ERC2: variants seen among roughly 807,000 people sequenced by gnomAD.
ERC2 encodes the protein ERC protein 2.
ERC2 carries 42 observed loss-of-function variants against 114.8 expected under a neutral mutation model. The observed-to-expected ratio is 0.37, with a 90% confidence interval of 0.29 to 0.47. ERC2 has a LOEUF of 0.47. Ranked by LOEUF, ERC2 falls within the 20% of genes least tolerant of loss-of-function variation. The pLI is 0.99. For synonymous variants in ERC2, 454 were observed against 425.5 expected (o/e 1.07, Z -0.82); for missense variants, 939 against 1,150.7 (o/e 0.82, Z 2.66).
At chr3:56,411,836 G>T (rs1385006871) in intron 2 of ERC2, among the ~76,000 whole-genome samples, 1 of 152,086 alleles carries the variant, frequency 6.6e-6, no homozygotes, top group Admixed American at 6.5e-5. Context: ...AAACTGCCCA[G>T]GGGGCTTCAG....
chr3:55,634,385 G>A (rs563513551), intron 17 of ERC2, among the ~76,000 whole-genome samples: 13 of 152,100 alleles, frequency 8.5e-5, no homozygotes, highest in Admixed American at 2.6e-4. Flanking sequence ...CTATTTCTAC[G>A]ATCTTGGCCA....
intron 14 of ERC2, among the ~76,000 whole-genome samples, chr3:55,869,984 AC>A (rs1184069597): frequency 6.6e-6 from 1 of 152,140 alleles, no homozygotes; most frequent in African/African-American, 2.4e-5. Context: ...GTTGTGAAAA[AC>A]CGAATACATC....
intron 9 of ERC2, among the ~76,000 whole-genome samples, chr3:56,009,067 T>C (rs1342497077): frequency 6.6e-6 from 1 of 152,200 alleles, no homozygotes; most frequent in African/African-American, 2.4e-5. Flanking sequence ...AAAATGTCTA[T>C]CTGAAAGTCA....
At chr3:55,823,864 C>G (rs1170528939) in intron 14 of ERC2, among the ~76,000 whole-genome samples, 1 of 152,130 alleles carries the variant, frequency 6.6e-6, no homozygotes, top group Admixed American at 6.5e-5. Context: ...GCTGCCATAA[C>G]AAGATACCAC....
chr3:55,819,496 A>C (rs1431649223), intron 14 of ERC2, among the ~76,000 whole-genome samples: 1 of 152,196 alleles, frequency 6.6e-6, no homozygotes, highest in Non-Finnish European at 1.5e-5. Flanking sequence ...AACTTTCCTG[A>C]CCTTTGACTG....
In ERC2 at chr3:56,295,951, A is replaced by G. The variant is rs149091960; in HGVS notation, c.1074+68T>C. On this transcript the variant is annotated intron_variant, in intron 3 of 17. Transcript: ENST00000288221. ...GGATGTAGATATCTTCCAACCTGTG[A>G]AAATAACTTGATAACATATTTTCAC... 4,567 of 1,468,280 alleles carry G rather than the reference A, an allele frequency of 3.1e-3. 26 individuals are homozygous for G. Among genetic ancestry groups the G allele is most frequent in the South Asian group, 0.017 (1,202 of 69,914 alleles). The allele number at this position is 1,468,280 out of a possible 1,614,324, so 91.0% of individuals were successfully genotyped here.
chr3:55,575,391 C>A lies in ERC2; in HGVS notation c.*40-64115G>T, dbSNP rs76525592. On this transcript the variant is annotated intron_variant, in intron 17 of 17. Transcript: ENST00000288221. ...CAGGGTTCTTCTGACCAACAGAATACAGTGGATAAATGGGGTCCTGTTACC... is the reference window on the plus strand; with the variant it reads ...CAGGGTTCTTCTGACCAACAGAATAAAGTGGATAAATGGGGTCCTGTTACC... Among the ~76,000 whole-genome samples the A allele has an allele frequency of 8.5e-5, 13 of 152,294 alleles. No homozygotes were observed. The East Asian group carries it at 2.3e-3, about 27-fold the overall frequency.
Position 55,997,892 on chromosome 3 carries a change from T to G in ERC2, c.2062-5642A>C, listed in dbSNP as rs1399855806. Among the ~76,000 whole-genome samples, 7 of 53,404 alleles carry G rather than the reference T, an allele frequency of 1.3e-4. No homozygotes were observed. The East Asian group carries it at 3.1e-3, about 24-fold the overall frequency. 35.0% of individuals were successfully genotyped at this position (53,404 alleles called of 152,430 possible). On this transcript the variant is annotated intron_variant, in intron 10 of 17. Transcript: ENST00000288221. The stretch of plus-strand genomic sequence containing the variant: ...ACATCTTAATTCTGTTTTTTTTTTT[T>G]TTTTTTTTTTTTTTTGTGTGTGTGT...
At chr3:56,194,342 A>G (rs1455165022) in intron 3 of ERC2, among the ~76,000 whole-genome samples, 2 of 152,210 alleles carry the variant, frequency 1.3e-5, no homozygotes, top group African/African-American at 4.8e-5. Flanking sequence ...TCTCAAGATG[A>G]GATAATCCTA....
intron 2 of ERC2, among the ~76,000 whole-genome samples, chr3:56,363,951 A>C (rs1430180325): frequency 6.6e-6 from 1 of 152,072 alleles, no homozygotes; most frequent in South Asian, 2.1e-4. Flanking sequence ...GGAGAATAAA[A>C]AACTTTAATA....
rs142386897 is a variant in ERC2, at chr3:56,049,629, C to T, written c.1642-30598G>A. Among the ~76,000 whole-genome samples, 427 of 152,208 alleles carry T rather than the reference C, an allele frequency of 2.8e-3. 2 individuals are homozygous for T. The highest frequency in any genetic ancestry group is 9.7e-3 in the African/African-American group (401 of 41,536). On this transcript the variant is annotated intron_variant, in intron 7 of 17. Transcript: ENST00000288221. Reference sequence around the variant, plus strand: ...AAGCAGGCAGAAAAACATGAAAAGGCTAGATTTGCTTAGCCTTTCAGCCTA... The same window carrying T: ...AAGCAGGCAGAAAAACATGAAAAGGTTAGATTTGCTTAGCCTTTCAGCCTA...
At position 55,706,985 on chromosome 3, in the gene ERC2, A is replaced by G. The variant is rs996759984; in HGVS notation, c.2713-7473T>C. Among the ~76,000 whole-genome samples the G allele has an allele frequency of 7.6e-4, 115 of 152,198 alleles. 1 individual carries two copies. Among genetic ancestry groups the G allele is most frequent in the Non-Finnish European group, 2.8e-4 (19 of 68,046 alleles). ...TCCTTGAGTCTCATTTCCTATATCT[A>G]AAAAATGGGCAAGAGAGGGAAGAAT... On this transcript the variant is annotated intron_variant, in intron 15 of 17. Coordinates refer to ENST00000288221, the MANE Select transcript of ERC2 (RefSeq NM_015576.3).
intron 14 of ERC2, among the ~76,000 whole-genome samples, chr3:55,808,203 C>T (rs761128601): frequency 2.0e-5 from 3 of 152,096 alleles, no homozygotes; most frequent in Non-Finnish European, 4.4e-5. Flanking sequence ...GGGTGCTTGC[C>T]GGCAGGTCAT....
chr3:55,944,845 C>T (rs184276625), intron 13 of ERC2, among the ~76,000 whole-genome samples: 2 of 152,290 alleles, frequency 1.3e-5, no homozygotes, highest in African/African-American at 4.8e-5. Context: ...AAAGAAAGCA[C>T]TTCTGTGCTG....
intron 4 of ERC2, among the ~76,000 whole-genome samples, chr3:56,155,603 G>A (rs56141852): frequency 0.065 from 9,961 of 152,082 alleles, 436 homozygotes; most frequent in African/African-American, 0.12. Flanking sequence ...AATATGTAAT[G>A]TTCTATAAGT....
At chr3:55,946,315 AT>A (rs1483957374) in intron 13 of ERC2, among the ~76,000 whole-genome samples, 1 of 152,236 alleles carries the variant, frequency 6.6e-6, no homozygotes, top group East Asian at 1.9e-4. Flanking sequence ...TTCACACACA[AT>A]TCAACATTAA....
chr3:55,762,035 C>T (rs1240089669), intron 14 of ERC2, among the ~76,000 whole-genome samples: 1 of 146,972 alleles, frequency 6.8e-6, no homozygotes, highest in Non-Finnish European at 1.5e-5. Context: ...CACCTTCTGC[C>T]ATAATTTTAA....
intron 2 of ERC2, among the ~76,000 whole-genome samples, chr3:56,422,154 G>A (rs572894367): frequency 2.5e-4 from 38 of 152,254 alleles, no homozygotes; most frequent in African/African-American, 6.5e-4. Flanking sequence ...GGAGGCCAGC[G>A]AGGTACTCTG....
At chr3:56,446,784 C>CGG (rs1428368977) in intron 1 of ERC2, among the ~76,000 whole-genome samples, 1 of 151,802 alleles carries the variant, frequency 6.6e-6, no homozygotes, top group Non-Finnish European at 1.5e-5. Flanking sequence ...CATCACCACA[C>CGG]CCGGCTAATT....
Sources: allele counts gnomAD v4.1 joint callset (sites outside exome capture counted in the v4.1 genomes callset), GRCh38; gene constraint gnomAD v4.1.1; transcripts MANE v1.5; gene names NCBI Gene and HGNC (gene_info 2026-07-23, HGNC 2026-07-21).